DMD: variants seen among roughly 807,000 people sequenced by gnomAD.
DMD encodes the protein mutant dystrophin.
Under a neutral mutation model 330.1 loss-of-function variants are expected in DMD, and 63 were observed. The ratio of observed to expected loss-of-function variants is 0.19; its 90% CI spans 0.16 to 0.24. The LOEUF is 0.24. DMD is among the 10% of genes least tolerant of loss of function. The pLI is 1.00. For missense variants in DMD, 3,344 were observed against 2,684.1 expected (o/e 1.25, Z -5.43); for synonymous variants, 1,223 against 959.8 (o/e 1.27, Z -5.07).
At chrX:31,334,748 T>C (rs1486832023) in intron 61 of DMD, among the ~76,000 whole-genome samples, 1 of 112,144 alleles carries the variant, frequency 8.9e-6, no homozygotes, top group African/African-American at 3.2e-5. Context: ...TGCCAAAGGC[T>C]TTTAACGATA....
intron 60 of DMD, among the ~76,000 whole-genome samples, chrX:31,350,624 TGTGTGTGTGA>T (rs1189025979): frequency 3.9e-4 from 19 of 48,273 alleles, no homozygotes; most frequent in Admixed American, 9.6e-4. Flanking sequence ...TGTGTGTGTG[TGTGTGTGTGA>T]GAGAGAGAGA....
rs1290397217 is a variant in DMD at position 32,818,316 on chromosome X, A to G, written c.358-1676T>C. 2.7e-5 allele frequency among the ~76,000 whole-genome samples: 3 copies of G among 112,009 alleles called. No homozygotes were observed. In the East Asian group the frequency reaches 8.4e-4, roughly 31 times the overall value. On this transcript the variant is annotated intron_variant, in intron 5 of 78. Coordinates refer to ENST00000357033, the MANE Select transcript of DMD (RefSeq NM_004006.3). ...TCCTTTATAGCATCATTATGTCACT[A>G]ATTCAGCTTATCAGCCTCAGCCTCG...
intron 44 of DMD, among the ~76,000 whole-genome samples, chrX:32,020,133 A>G (rs1210172639): frequency 8.9e-6 from 1 of 112,827 alleles, no homozygotes; most frequent in Admixed American, 9.4e-5. Flanking sequence ...TCTTGCTGGC[A>G]CATCAACAAA....
intron 26 of DMD, among the ~76,000 whole-genome samples, chrX:32,453,400 A>C (rs1029359877): frequency 9.0e-6 from 1 of 111,020 alleles, no homozygotes; most frequent in South Asian, 3.7e-4. Context: ...ATACACACAT[A>C]ATATTTATAC....
intron 62 of DMD, among the ~76,000 whole-genome samples, chrX:31,282,678 C>A (rs2052713470): frequency 9.0e-6 from 1 of 111,502 alleles, no homozygotes; most frequent in African/African-American, 3.3e-5. Flanking sequence ...TTCTAATATA[C>A]AATCAAAGGA....
intron 44 of DMD, among the ~76,000 whole-genome samples, chrX:32,186,144 G>C (rs2096945591): frequency 9.1e-6 from 1 of 110,445 alleles, no homozygotes; most frequent in Non-Finnish European, 1.9e-5. Context: ...TAATTAAAAG[G>C]TGAAATCTGA....
At chrX:31,707,166 T>G (rs2084262390) in intron 52 of DMD, among the ~76,000 whole-genome samples, 1 of 110,225 alleles carries the variant, frequency 9.1e-6, no homozygotes, top group African/African-American at 3.3e-5. Context: ...TTTCCCTCAG[T>G]CTAAACCTTC....
At chrX:33,049,353 C>G (rs1385882738) in intron 1 of DMD, among the ~76,000 whole-genome samples, 1 of 111,603 alleles carries the variant, frequency 9.0e-6, no homozygotes, top group African/African-American at 3.3e-5. Context: ...TCTCAGAAGA[C>G]TGTATATTTC....
intron 2 of DMD, among the ~76,000 whole-genome samples, chrX:32,887,776 A>ACAAAAAC (rs2084807690): frequency 1.1e-5 from 1 of 95,048 alleles, no homozygotes; most frequent in Non-Finnish European, 2.1e-5. Flanking sequence ...AAAAAAAAAA[A>ACAAAAAC]CATCAACTAA....
intron 62 of DMD, among the ~76,000 whole-genome samples, chrX:31,307,170 GAGTTAT>G (rs1205151755): frequency 9.0e-6 from 1 of 111,313 alleles, no homozygotes; most frequent in Non-Finnish European, 1.9e-5. Flanking sequence ...GATATACCCT[GAGTTAT>G]AGTTACAGTT....
rs1341073863 is a variant in DMD, at chrX:32,839,947, G to C, written c.264+4836C>G. ...GATGGTCTCAATTTCTTGACATCATGATCCACCCGCCTGGACCACCCAAAG... is the reference window on the plus strand; with the variant it reads ...GATGGTCTCAATTTCTTGACATCATCATCCACCCGCCTGGACCACCCAAAG... On this transcript the variant is annotated intron_variant, in intron 4 of 78. Transcript: ENST00000357033. Among the ~76,000 whole-genome samples, 9 of 111,373 alleles carry C rather than the reference G, an allele frequency of 8.1e-5. No individual in the cohort carries two copies. The Admixed American group carries it at 8.6e-4, about 11-fold the overall frequency.
At chrX:32,805,007 A>T (rs2148716573) in intron 7 of DMD, among the ~76,000 whole-genome samples, 1 of 112,287 alleles carries the variant, frequency 8.9e-6, no homozygotes, top group South Asian at 3.7e-4. Context: ...AAGATGAGGA[A>T]AAACCAGCAC....
intron 34 of DMD, among the ~76,000 whole-genome samples, chrX:32,366,154 G>A (rs1255818716): frequency 8.9e-6 from 1 of 112,207 alleles, no homozygotes; most frequent in Non-Finnish European, 1.9e-5. Flanking sequence ...AAGATAGAGA[G>A]TAGTGATGGA....
intron 45 of DMD, among the ~76,000 whole-genome samples, chrX:31,958,999 A>G (rs2095273997): frequency 9.0e-6 from 1 of 111,224 alleles, no homozygotes; most frequent in Non-Finnish European, 1.9e-5. Flanking sequence ...CAAGCAAAAA[A>G]CCTGGAAAAG....
chrX:31,892,134 G>A (rs1216029373), intron 47 of DMD, among the ~76,000 whole-genome samples: 4 of 112,002 alleles, frequency 3.6e-5, no homozygotes, highest in Non-Finnish European at 7.5e-5. Flanking sequence ...ATTTCAAGTG[G>A]TAGACATTTA....
intron 44 of DMD, among the ~76,000 whole-genome samples, chrX:32,016,594 A>C (rs1410283332): frequency 8.9e-6 from 1 of 112,280 alleles, no homozygotes; most frequent in Non-Finnish European, 1.9e-5. Flanking sequence ...TCTTTGAAGC[A>C]CCAATCCCAC....
chrX:32,618,163 G>C lies in DMD; in HGVS notation c.1332-3710C>G, dbSNP rs113562371. On this transcript the variant is annotated intron_variant, in intron 11 of 78. Transcript: ENST00000357033. ...CATTGGACCCAGCAATCCTATTATT[G>C]TGTATACACTTAAAGGAATATAAAT... Among the ~76,000 whole-genome samples the C allele has an allele frequency of 6.9e-3, 770 of 111,923 alleles. 8 individuals carry two copies. The highest frequency in any genetic ancestry group is 0.023 in the African/African-American group (720 of 30,874).
intron 44 of DMD, among the ~76,000 whole-genome samples, chrX:32,123,947 T>G (rs1441251778): frequency 8.9e-6 from 1 of 112,278 alleles, no homozygotes; most frequent in African/African-American, 3.2e-5. Context: ...GTGTAATGAA[T>G]TAAACATCTG....
At chrX:32,406,995 C>T (rs776368282) in intron 30 of DMD, among the ~76,000 whole-genome samples, 2 of 111,461 alleles carry the variant, frequency 1.8e-5, no homozygotes, top group South Asian at 3.7e-4. Context: ...TAAAGACTTA[C>T]ATGTTAGACT....
Sources: allele counts gnomAD v4.1 joint callset (sites outside exome capture counted in the v4.1 genomes callset), GRCh38; gene constraint gnomAD v4.1.1; transcripts MANE v1.5; gene names NCBI Gene and HGNC (gene_info 2026-07-23, HGNC 2026-07-21).